Variants in ASB4 observed in about 807,000 individuals in gnomAD.
ASB4 encodes the protein ankyrin repeat and SOCS box containing 4.
ASB4 carries 35 observed loss-of-function variants against 38.6 expected under a neutral mutation model. That is an observed-to-expected ratio of 0.91 (90% CI 0.69 to 1.20). The LOEUF (loss-of-function observed/expected upper bound fraction) is 1.20, where lower values mean the gene tolerates loss of function less well. ASB4 is among the 50% of genes most tolerant of loss of function. The pLI is 0.00. For synonymous variants in ASB4, 195 were observed against 201.3 expected, an observed-to-expected ratio of 0.97 and a Z score of 0.26; for missense variants, 557 against 527.2, an observed-to-expected ratio of 1.06 and a Z score of -0.55.
At chr7:95,502,397 G>T (rs944549062) in intron 2 of ASB4, among the ~76,000 whole-genome samples, 31 of 151,026 alleles carry the variant, frequency 2.1e-4, no homozygotes, top group African/African-American at 7.3e-4. Flanking sequence ...CCTGCGGGGG[G>T]GGGGCAAATT....
At chr7:95,479,251 C>T (rs1399308565) in intron 1 of ASB4, among the ~76,000 whole-genome samples, 1 of 152,168 alleles carries the variant, frequency 6.6e-6, no homozygotes, top group Non-Finnish European at 1.5e-5. Flanking sequence ...GGTCTTTCAC[C>T]ATAACACCAC....
At chr7:95,540,617 T>C (rs1790958676), downstream of ASB4, among the ~76,000 whole-genome samples, 1 of 152,220 alleles carries the variant, frequency 6.6e-6, no homozygotes, top group Non-Finnish European at 1.5e-5. Context: ...TTTGTTACTT[T>C]CTTAGAAAAC....
At chr7:95,504,846 C>T (rs565502041) in intron 2 of ASB4, among the ~76,000 whole-genome samples, 1 of 152,252 alleles carries the variant, frequency 6.6e-6, no homozygotes, top group East Asian at 1.9e-4. Context: ...GACTTGCCTC[C>T]AATCATTCTG....
At chr7:95,488,734 C>T (rs987024210) in intron 1 of ASB4, among the ~76,000 whole-genome samples, 10 of 152,102 alleles carry the variant, frequency 6.6e-5, no homozygotes, top group African/African-American at 1.2e-4. Flanking sequence ...AAAAGCTCTC[C>T]GCAAAAGTGC....
At chr7:95,525,501 A>T (rs1790724722) in intron 2 of ASB4, among the ~76,000 whole-genome samples, 1 of 151,904 alleles carries the variant, frequency 6.6e-6, no homozygotes, top group Non-Finnish European at 1.5e-5. Context: ...AAAATAAGGA[A>T]CTCCTATTCA....
At chr7:95,541,660 T>C (rs1389895241), downstream of ASB4, among the ~76,000 whole-genome samples, 2 of 152,194 alleles carry the variant, frequency 1.3e-5, no homozygotes, top group Non-Finnish European at 2.9e-5. Flanking sequence ...TTTGTATTTT[T>C]GTAAGTAGTA....
chr7:95,479,637 G>T (rs79011268), intron 1 of ASB4, among the ~76,000 whole-genome samples: 6,282 of 152,150 alleles, frequency 0.041, 163 homozygotes, highest in South Asian at 0.067. Context: ...GATAAAATAT[G>T]CACTTTATTG....
At chr7:95,509,050 G>A (rs994938718) in intron 2 of ASB4, among the ~76,000 whole-genome samples, 1 of 152,158 alleles carries the variant, frequency 6.6e-6, no homozygotes, top group African/African-American at 2.4e-5. Flanking sequence ...TCAGAAACGG[G>A]GAGACCAGGA....
At chr7:95,532,164 A>T (rs1203357508) in intron 3 of ASB4, among the ~76,000 whole-genome samples, 4 of 152,188 alleles carry the variant, frequency 2.6e-5, no homozygotes, top group East Asian at 1.9e-4. Context: ...TCTTTACGAC[A>T]AGTAAGTGAC....
At chr7:95,529,896 G>A (rs1396027466) in intron 3 of ASB4, among the ~76,000 whole-genome samples, 1 of 152,040 alleles carries the variant, frequency 6.6e-6, no homozygotes, top group Non-Finnish European at 1.5e-5. Flanking sequence ...AAGTCACACA[G>A]AGTAAGTGTC....
chr7:95,510,035 A>G (rs1790458576), intron 2 of ASB4, among the ~76,000 whole-genome samples: 1 of 152,172 alleles, frequency 6.6e-6, no homozygotes. Context: ...CTAAGGTGAC[A>G]CTTAATATCT....
chr7:95,506,742 T>C (rs76434215), intron 2 of ASB4, among the ~76,000 whole-genome samples: 3 of 151,348 alleles, frequency 2.0e-5, no homozygotes, highest in Non-Finnish European at 4.4e-5. Context: ...TGAACTGTCT[T>C]GGTAGGTTTA....
At chr7:95,487,152 A>G (rs1274735008) in intron 1 of ASB4, among the ~76,000 whole-genome samples, 2 of 152,172 alleles carry the variant, frequency 1.3e-5, no homozygotes, top group African/African-American at 4.8e-5. Flanking sequence ...ATATTTCTTC[A>G]TTAATTTACT....
At chr7:95,540,381 A>G (rs915227218), downstream of ASB4, 1 of 152,210 alleles carries the variant, frequency 6.6e-6, no homozygotes, top group Non-Finnish European at 1.5e-5. Context: ...TAAATAAATA[A>G]TGTTTTCAAA....
chr7:95,511,696 A>T (rs1790484854), intron 2 of ASB4, among the ~76,000 whole-genome samples: 1 of 152,090 alleles, frequency 6.6e-6, no homozygotes, highest in African/African-American at 2.4e-5. Context: ...AAATAACAAC[A>T]GCTGGATATG....
At chr7:95,516,646 C>T (rs575566465) in intron 2 of ASB4, among the ~76,000 whole-genome samples, 12 of 152,220 alleles carry the variant, frequency 7.9e-5, no homozygotes, top group East Asian at 3.9e-4. Flanking sequence ...TTAAAAAATA[C>T]GAGTAGCTGT....
At chr7:95,486,981 A>T (rs753220748) in intron 1 of ASB4, among the ~76,000 whole-genome samples, 1 of 152,236 alleles carries the variant, frequency 6.6e-6, no homozygotes, top group Non-Finnish European at 1.5e-5. Context: ...TACTGCAAAC[A>T]TGCTGCTCAA....
At position 95,537,649 on chromosome 7, in the gene ASB4, G is replaced by A. The variant is rs1310086835; in HGVS notation, c.1171G>A (p.Ala391Thr). The stretch of plus-strand genomic sequence containing the variant: ...GACTCTCATGCACTTATCGAGATGT[G>A]CCATTAGAAGAACATTACACAACAG... Reference protein sequence around the residue: ...PRTLMHLSRCAIRRTLHNRCH... With the variant: ...PRTLMHLSRCTIRRTLHNRCH... Residue 391 changes from alanine to threonine, a missense_variant, in exon 5 of 5, where the codon GCC becomes ACC. Coordinates refer to ENST00000325885, the MANE Select transcript of ASB4 (RefSeq NM_016116.3). The A allele has an allele frequency of 2.5e-6, 4 of 1,613,766 alleles. No individual in the cohort carries two copies. Among genetic ancestry groups the A allele is most frequent in the Non-Finnish European group, 2.5e-6 (3 of 1,179,724 alleles).
chr7:95,477,345 A>G (rs1033812137), upstream of ASB4, among the ~76,000 whole-genome samples: 12 of 152,198 alleles, frequency 7.9e-5, no homozygotes, highest in African/African-American at 2.9e-4. Context: ...CAAAGGGTCA[A>G]CTCTACGTCA....
Sources: allele counts gnomAD v4.1 joint callset (sites outside exome capture counted in the v4.1 genomes callset), GRCh38; gene constraint gnomAD v4.1.1; transcripts MANE v1.5; gene names NCBI Gene and HGNC (gene_info 2026-07-23, HGNC 2026-07-21).